PDZRN3: variants seen among roughly 807,000 people sequenced by gnomAD.
The protein encoded by PDZRN3 is PDZ domain containing ring finger 3, also known as E3 ubiquitin-protein ligase PDZRN3.
A neutral mutation model predicts 85.7 loss-of-function variants in PDZRN3; 38 were observed. The ratio of observed to expected loss-of-function variants is 0.44; its 90% CI spans 0.34 to 0.58. The LOEUF (loss-of-function observed/expected upper bound fraction) is 0.58, where lower values mean the gene tolerates loss of function less well. Among genes scored for constraint, PDZRN3 ranks in the 20% least tolerant of loss-of-function variants. The pLI, the probability that PDZRN3 is intolerant of heterozygous loss-of-function variation, is 0.01. For missense variants in PDZRN3, 1,629 were observed against 1,506.4 expected, an observed-to-expected ratio of 1.08 and a Z score of -1.35; for synonymous variants, 759 against 638.0, an observed-to-expected ratio of 1.19 and a Z score of -2.86.
rs1479470806 is a variant in PDZRN3, at chr3:73,384,120, C to T, written c.2446G>A (p.Glu816Lys). Residue 816 changes from glutamate (E) to lysine (K), a missense_variant, in exon 10 of 10, where the codon GAA (glutamate) becomes AAA (lysine). Transcript: ENST00000263666. The stretch of plus-strand genomic sequence containing the variant: ...GGGCTATAGGTAGGGGTGCCCACTT[C>T]GGGATCTTCCGTGATGGAGAGCAGA... ...KNLLSITEDPEVGTPTYSPSL... is the reference protein window; with the variant it reads ...KNLLSITEDPKVGTPTYSPSL... 1.9e-6 allele frequency: 3 copies of T among 1,613,910 alleles called. No individual in the cohort carries two copies. The highest frequency in any genetic ancestry group is 2.2e-5 in the East Asian group (1 of 44,840).
At chr3:73,413,294 A>G (rs1261266616) in intron 3 of PDZRN3, among the ~76,000 whole-genome samples, 1 of 152,166 alleles carries the variant, frequency 6.6e-6, no homozygotes, top group Non-Finnish European at 1.5e-5. Context: ...CAGCTGCCAA[A>G]TTTCAGTAAA....
intron 3 of PDZRN3, among the ~76,000 whole-genome samples, chr3:73,559,092 A>G: frequency 6.6e-6 from 1 of 152,282 alleles, no homozygotes; most frequent in East Asian, 1.9e-4. Flanking sequence ...ACTGGAACAC[A>G]CAGGCAGACA....
At chr3:73,459,579 G>T (rs540917297) in intron 3 of PDZRN3, among the ~76,000 whole-genome samples, 1 of 152,002 alleles carries the variant, frequency 6.6e-6, no homozygotes, top group Non-Finnish European at 1.5e-5. Flanking sequence ...CACTTAGTTC[G>T]CACTTACAAG....
At position 73,563,002 on chromosome 3, in the gene PDZRN3, TATATA is replaced by T. The variant is rs1559739651; in HGVS notation, c.918+39347_918+39351del. Among the ~76,000 whole-genome samples the T allele has an allele frequency of 1.4e-3, 50 of 35,964 alleles. 2 individuals are homozygous for T. The highest frequency in any genetic ancestry group is 6.2e-3 in the African/African-American group (49 of 7,860). The allele number at this position is 35,964 out of a possible 152,430, so 23.6% of individuals were successfully genotyped here. The stretch of plus-strand genomic sequence containing the variant: ...GGCAAATTATATATATATATATATA[TATATA>T]TATATATTTTTTTTTTTTTTTTTTT... On this transcript the variant is annotated intron_variant, in intron 3 of 9. Transcript: ENST00000263666.
intron 3 of PDZRN3, among the ~76,000 whole-genome samples, chr3:73,550,681 C>T (rs767253998): frequency 6.6e-6 from 1 of 152,170 alleles, no homozygotes; most frequent in Non-Finnish European, 1.5e-5. Context: ...TGAAGGCACA[C>T]CTGTATATGG....
intron 3 of PDZRN3, among the ~76,000 whole-genome samples, chr3:73,540,942 T>C (rs1289275400): frequency 1.3e-5 from 2 of 152,230 alleles, no homozygotes; most frequent in African/African-American, 4.8e-5. Context: ...CTGAGATGCA[T>C]GTTTACCCAA....
At chr3:73,481,125 A>G (rs892427982) in intron 3 of PDZRN3, among the ~76,000 whole-genome samples, 1 of 152,134 alleles carries the variant, frequency 6.6e-6, no homozygotes, top group African/African-American at 2.4e-5. Flanking sequence ...TCTCACCTCT[A>G]TGCATACAGA....
chr3:73,452,128 G>C (rs1702875028), intron 3 of PDZRN3, among the ~76,000 whole-genome samples: 2 of 152,164 alleles, frequency 1.3e-5, no homozygotes, highest in South Asian at 4.1e-4. Flanking sequence ...CAATAAGTCT[G>C]ATTCCCATGT....
intron 3 of PDZRN3, among the ~76,000 whole-genome samples, chr3:73,504,765 T>TATACCCAC (rs1236175347): frequency 1.3e-5 from 2 of 152,260 alleles, no homozygotes; most frequent in East Asian, 3.8e-4. Flanking sequence ...AAGGAGGTCT[T>TATACCCAC]ATACCCACAT....
intron 1 of PDZRN3, among the ~76,000 whole-genome samples, chr3:73,611,236 G>GT (rs1352617045): frequency 6.6e-6 from 1 of 152,186 alleles, no homozygotes; most frequent in African/African-American, 2.4e-5. Flanking sequence ...CAGGAGGCCA[G>GT]TATCAGAACA....
intron 3 of PDZRN3, among the ~76,000 whole-genome samples, chr3:73,501,548 A>G (rs902570490): frequency 6.6e-6 from 1 of 152,208 alleles, no homozygotes; most frequent in Non-Finnish European, 1.5e-5. Flanking sequence ...GGCTCATTCA[A>G]CAAATACCTG....
chr3:73,550,775 A>G (rs1464358458), intron 3 of PDZRN3, among the ~76,000 whole-genome samples: 1 of 152,240 alleles, frequency 6.6e-6, no homozygotes, highest in African/African-American at 2.4e-5. Flanking sequence ...AGGGTAAGGA[A>G]AGGATGAATA....
chr3:73,610,257 C>A (rs1702662859), intron 1 of PDZRN3, among the ~76,000 whole-genome samples: 1 of 152,100 alleles, frequency 6.6e-6, no homozygotes, highest in Non-Finnish European at 1.5e-5. Flanking sequence ...ATATAAAATA[C>A]AGAATTATAT....
Position 73,403,617 on chromosome 3 carries a change from G to A in PDZRN3, c.1166+531C>T, listed in dbSNP as rs533262094. On this transcript the variant is annotated intron_variant, in intron 4 of 9. Transcript: ENST00000263666. ...CGCTGGCAGAAATAAGTTGAGAGAA[G>A]AGGTGTGTGTAAAGAAATCCATGTG... 3.3e-5 allele frequency among the ~76,000 whole-genome samples: 5 copies of A among 152,272 alleles called. No individual in the cohort carries two copies. In the East Asian group the frequency reaches 9.7e-4, roughly 29 times the overall value.
At chr3:73,577,862 C>A (rs550725717) in intron 3 of PDZRN3, among the ~76,000 whole-genome samples, 30 of 152,362 alleles carry the variant, frequency 2.0e-4, no homozygotes, top group African/African-American at 6.7e-4. Flanking sequence ...GGAGCCAGAT[C>A]TAGCCCAAAG....
chr3:73,526,300 G>A (rs549313125), intron 3 of PDZRN3, among the ~76,000 whole-genome samples: 5 of 152,276 alleles, frequency 3.3e-5, no homozygotes, highest in Admixed American at 1.3e-4. Flanking sequence ...TGAATAAGGA[G>A]TCATCAAATC....
At chr3:73,547,002 T>C (rs1279193273) in intron 3 of PDZRN3, among the ~76,000 whole-genome samples, 1 of 152,194 alleles carries the variant, frequency 6.6e-6, no homozygotes, top group Non-Finnish European at 1.5e-5. Flanking sequence ...TGTACCCAGG[T>C]TCTGCCTCTG....
chr3:73,603,388 T>TA (rs1351317754), intron 2 of PDZRN3, among the ~76,000 whole-genome samples: 5 of 152,286 alleles, frequency 3.3e-5, no homozygotes, highest in South Asian at 4.1e-4. Context: ...AACAAGCTCA[T>TA]AAAAAACCCT....
intron 3 of PDZRN3, among the ~76,000 whole-genome samples, chr3:73,532,437 T>C (rs1704680594): frequency 6.6e-6 from 1 of 152,228 alleles, no homozygotes; most frequent in Non-Finnish European, 1.5e-5. Context: ...TCTCTCCAGC[T>C]TTGCAAACAT....
Sources: gnomAD v4.1 joint callset for allele counts (sites outside exome capture counted in the v4.1 genomes callset) on GRCh38, gnomAD v4.1.1 for gene constraint, MANE v1.5 for transcripts, NCBI Gene and HGNC (gene_info 2026-07-23, HGNC 2026-07-21) for gene names.